The following CACNA1S variants were observed in gnomAD, a reference collection of about 807,000 sequenced individuals.
CACNA1S encodes the protein voltage-dependent L-type calcium channel subunit alpha-1S.
A neutral mutation model predicts 207.4 loss-of-function variants in CACNA1S; 126 were observed. The ratio of observed to expected loss-of-function variants is 0.61; its 90% CI spans 0.53 to 0.70. The LOEUF (loss-of-function observed/expected upper bound fraction) is 0.70, where lower values mean the gene tolerates loss of function less well. CACNA1S is among the 30% of genes least tolerant of loss of function. CACNA1S has a pLI of 0.00. For missense variants in CACNA1S, 2,349 were observed against 2,422.8 expected, an observed-to-expected ratio of 0.97 and a Z score of 0.64; for synonymous variants, 960 against 932.7, an observed-to-expected ratio of 1.03 and a Z score of -0.53.
rs980056089 is a variant in CACNA1S, at chr1:201,061,302, T to C, written c.3220A>G (p.Thr1074Ala). The change falls in exon 25 of 44, where the codon ACT becomes GCT. Residue 1074 changes from threonine to alanine, a missense_variant. Transcript: ENST00000362061. Reference protein sequence around the residue: ...VIVTFQEQGETEYKNCELDKN... With the variant: ...VIVTFQEQGEAEYKNCELDKN... Reference sequence around the variant, plus strand: ...TCCAGCTCACAGTTCTTGTACTCAGTCTCTCCCTGCTCCTGGAAGGTGACA... The same window carrying C: ...TCCAGCTCACAGTTCTTGTACTCAGCCTCTCCCTGCTCCTGGAAGGTGACA... 2.5e-6 allele frequency: 4 copies of C among 1,614,094 alleles called. No homozygotes were observed. Among genetic ancestry groups the C allele is most frequent in the Non-Finnish European group, 3.4e-6 (4 of 1,180,026 alleles).
chr1:201,103,341 G>C (rs1265765908), intron 2 of CACNA1S, among the ~76,000 whole-genome samples: 1 of 152,154 alleles, frequency 6.6e-6, no homozygotes, highest in African/African-American at 2.4e-5. Context: ...AACCAGTCTA[G>C]ATTGGAGGCA....
In CACNA1S at chr1:201,070,740, G is replaced by A. The variant is rs528040987; in HGVS notation, c.2228-336C>T. ...TAGGCTGGGGGATGGAGTGGGAAACGCTGCTTCAGAAGAAGAGACCTGGGT... is the reference window on the plus strand; with the variant it reads ...TAGGCTGGGGGATGGAGTGGGAAACACTGCTTCAGAAGAAGAGACCTGGGT... On this transcript the variant is annotated intron_variant, in intron 16 of 43. Coordinates refer to ENST00000362061, the MANE Select transcript of CACNA1S (RefSeq NM_000069.3). Among the ~76,000 whole-genome samples the A allele has an allele frequency of 2.0e-4, 31 of 152,268 alleles. 1 individual carries two copies. The South Asian group carries it at 5.4e-3, about 26-fold the overall frequency.
Position 201,049,044 on chromosome 1 carries a change from G to C in CACNA1S, c.4297C>G (p.Leu1433Val). Residue 1433 changes from leucine to valine, a missense_variant, in exon 35 of 44, where the codon CTG (leucine) becomes GTG (valine). Physicochemically the swap from Leu to Val is conservative, Grantham distance 32. Transcript: ENST00000362061. ...VTLLRRIQPP[L>V]GFGKFCPHRV... Reference sequence around the variant, plus strand: ...TGTGGGCAGAACTTCCCAAAGCCCAGAGGGGGCTGAATCCTTCTCAGCAGG... The same window carrying C: ...TGTGGGCAGAACTTCCCAAAGCCCACAGGGGGCTGAATCCTTCTCAGCAGG... The C allele has an allele frequency of 6.2e-7, 1 of 1,613,942 alleles. No homozygotes were observed. Among genetic ancestry groups the C allele is most frequent in the Non-Finnish European group, 8.5e-7 (1 of 1,179,942 alleles).
chr1:201,054,487 C>T lies in CACNA1S; in HGVS notation c.3666+18G>A, dbSNP rs367683228. ...AGCTGGTGAGCGTGCCAGGCAGGCT[C>T]GTGCAGCCTGAAATTACAACGTTCC... On this transcript the variant is annotated intron_variant, in intron 29 of 43. Coordinates refer to ENST00000362061, the MANE Select transcript of CACNA1S (RefSeq NM_000069.3). The T allele has an allele frequency of 8.7e-6, 14 of 1,611,222 alleles. No homozygotes were observed. The African/African-American group carries it at 1.5e-4, about 17-fold the overall frequency.
intron 36 of CACNA1S, among the ~76,000 whole-genome samples, chr1:201,048,182 G>C (rs777001117): frequency 1.3e-5 from 2 of 152,200 alleles, no homozygotes; most frequent in Non-Finnish European, 2.9e-5. Context: ...CTCCCACCAT[G>C]CTTGTCTTCC....
intron 28 of CACNA1S, among the ~76,000 whole-genome samples, chr1:201,055,350 A>G (rs542479560): frequency 1.3e-5 from 2 of 152,308 alleles, no homozygotes; most frequent in Admixed American, 1.3e-4. Flanking sequence ...TGTATGTCAG[A>G]ATCACCTGAA....
intron 35 of CACNA1S, 29 bp downstream of exon 35, chr1:201,048,974 G>T: frequency 6.4e-7 from 1 of 1,566,760 alleles, no homozygotes; most frequent in South Asian, 1.1e-5. Context: ...CCCTCCCTGG[G>T]GCCACCCATC....
At chr1:201,050,285 G>C in intron 34 of CACNA1S, 104 bp downstream of exon 34, 1 of 1,233,882 alleles carries the variant, frequency 8.1e-7, no homozygotes, top group Non-Finnish European at 1.2e-6. Context: ...AAGGGGGAAG[G>C]AGAAGCCCAC....
chr1:201,108,829 A>T (rs910976063), intron 2 of CACNA1S, among the ~76,000 whole-genome samples: 1 of 152,172 alleles, frequency 6.6e-6, no homozygotes, highest in Non-Finnish European at 1.5e-5. Flanking sequence ...GCAGGAAAAA[A>T]GCCCTGTTGA....
chr1:201,053,087 C>A lies in CACNA1S; in HGVS notation c.3861+122G>T. 2 of 1,141,582 alleles carry A rather than the reference C, an allele frequency of 1.8e-6. No homozygotes were observed. Among genetic ancestry groups the A allele is most frequent in the Non-Finnish European group, 2.7e-6 (2 of 750,996 alleles). The allele number at this position is 1,141,582 out of a possible 1,614,324, so 70.7% of individuals were successfully genotyped here. A position where few individuals can be genotyped will look rare whatever the true frequency, so the allele number is the denominator to read the frequency against. ...GGAGGTTGTCCCTCCTTCTTTCTCA[C>A]GAGCAAGGCAGGGAGGGCGGAGGGT... On this transcript the variant is annotated intron_variant, in intron 31 of 43. Coordinates refer to ENST00000362061, the MANE Select transcript of CACNA1S (RefSeq NM_000069.3). This position sits in a 1 kb window ranked among gnomAD's most constrained non-coding sequence, Gnocchi z 5.1.
At chr1:201,069,280 A>T (rs1661364887) in intron 18 of CACNA1S, 84 bp from the exon 19 acceptor site, 2 of 1,467,918 alleles carry the variant, frequency 1.4e-6, no homozygotes, top group Admixed American at 3.4e-5. Context: ...TAAAGCAGGC[A>T]GTCAGAGCCA....
chr1:201,056,521 C>A (rs1241742780), intron 28 of CACNA1S, among the ~76,000 whole-genome samples: 12 of 152,260 alleles, frequency 7.9e-5, no homozygotes, highest in Admixed American at 7.2e-4. Flanking sequence ...GACCAGTCCC[C>A]TGCTGGGATC....
At position 201,042,735 on chromosome 1, in the gene CACNA1S, ACCT is replaced by A. The variant is rs540436795; in HGVS notation, c.5048+543_5048+545del. On this transcript the variant is annotated intron_variant, in intron 40 of 43. Coordinates refer to ENST00000362061, the MANE Select transcript of CACNA1S (RefSeq NM_000069.3). ...GGCCGAAGAGGCCTCCAATCAGCTG[ACCT>A]CCTGTCTAGAACAGAAGCTTTGCCT... 17 of 157,454 alleles carry A rather than the reference ACCT, an allele frequency of 1.1e-4. No individual in the cohort carries two copies. In the East Asian group the frequency reaches 2.8e-3, roughly 26 times the overall value. The allele number at this position is 157,454 out of a possible 1,614,324, so 9.8% of individuals were successfully genotyped here.
At chr1:201,084,913 G>A (rs774059353) in intron 9 of CACNA1S, 37 bp downstream of exon 9, 23 of 1,403,382 alleles carry the variant, frequency 1.6e-5, no homozygotes, top group Non-Finnish European at 2.2e-5. Flanking sequence ...AGGGAGCTGG[G>A]GGTTGGGGGT....
At chr1:201,085,799 A>G (rs1445746989) in intron 7 of CACNA1S, among the ~76,000 whole-genome samples, 2 of 151,920 alleles carry the variant, frequency 1.3e-5, no homozygotes, top group Non-Finnish European at 2.9e-5. Context: ...AACATCCTGG[A>G]GTACTCCTTG....
Position 201,085,496 on chromosome 1 carries a change from G to A in CACNA1S, c.1090C>T (p.Arg364Trp), listed in dbSNP as rs529038948. 20 of 1,613,302 alleles carry A rather than the reference G, an allele frequency of 1.2e-5. No individual in the cohort carries two copies. The highest frequency in any genetic ancestry group is 1.6e-4 in the Middle Eastern group (1 of 6,062). The change falls in exon 8 of 44, where the codon CGG becomes TGG. Residue 364 changes from arginine (R) to tryptophan (W), a missense_variant. By Grantham distance (101) the Arg-to-Trp change is moderately radical. Transcript: ENST00000362061. ...REKQQLDEDL[R>W]GYMSWITQGE... Reference sequence around the variant, plus strand: ...TGCGTGATCCAGCTCATGTAGCCCCGAAGGTCCTCATCTAGTTGCTGCTTC... The same window carrying A: ...TGCGTGATCCAGCTCATGTAGCCCCAAAGGTCCTCATCTAGTTGCTGCTTC...
intron 2 of CACNA1S, among the ~76,000 whole-genome samples, chr1:201,104,485 T>C (rs1358528243): frequency 6.6e-6 from 1 of 152,252 alleles, no homozygotes; most frequent in Non-Finnish European, 1.5e-5. Context: ...AGAGTTTTAT[T>C]GCCCTGTAGG....
At chr1:201,081,235 G>C (rs1370240669) in intron 10 of CACNA1S, among the ~76,000 whole-genome samples, 1 of 152,192 alleles carries the variant, frequency 6.6e-6, no homozygotes, top group African/African-American at 2.4e-5. Context: ...TTAGGCCTAG[G>C]CCTAAAATGT....
rs1399664109 is a variant in CACNA1S at position 201,060,563 on chromosome 1, G to T, written c.3414+95C>A. ...ACACAGTGCACAAGAAATGTCTACTGGGGGGAATCCTGGCTATCCTGCCCT... is the reference window on the plus strand; with the variant it reads ...ACACAGTGCACAAGAAATGTCTACTTGGGGGAATCCTGGCTATCCTGCCCT... On this transcript the variant is annotated intron_variant, in intron 26 of 43. Transcript: ENST00000362061. 7.5e-6 allele frequency: 10 copies of T among 1,326,308 alleles called. No homozygotes were observed. The African/African-American group carries it at 1.2e-4, about 15-fold the overall frequency. 82.2% of individuals were successfully genotyped at this position (1,326,308 alleles called of 1,614,324 possible). A position where few individuals can be genotyped will look rare whatever the true frequency, so the allele number is the denominator to read the frequency against.
Sources: allele counts gnomAD v4.1 joint callset (sites outside exome capture counted in the v4.1 genomes callset), GRCh38; gene constraint gnomAD v4.1.1; non-coding constraint Gnocchi (gnomAD v3.1); transcripts MANE v1.5; gene names NCBI Gene and HGNC (gene_info 2026-07-23, HGNC 2026-07-21).